The following ADAM32 variants were observed in gnomAD, a reference collection of about 807,000 sequenced individuals.
ADAM32 encodes the protein ADAM metallopeptidase domain 32.
In ADAM32, 89 loss-of-function variants were observed where a neutral mutation model predicts 114.9. The ratio of observed to expected loss-of-function variants is 0.77; its 90% confidence interval spans 0.65 to 0.92. ADAM32 has a LOEUF of 0.92. ADAM32 is among the 40% of genes least tolerant of loss of function. The pLI is 0.00. For synonymous variants in ADAM32, 285 were observed against 307.5 expected (o/e 0.93, Z 0.77); for missense variants, 870 against 932.8 (o/e 0.93, Z 0.88).
chr8:39,116,673 C>T (rs755473271), intron 1 of ADAM32, among the ~76,000 whole-genome samples: 1 of 152,104 alleles, frequency 6.6e-6, no homozygotes, highest in African/African-American at 2.4e-5. Context: ...AGAATCATAT[C>T]GTCTGTGAAG....
At chr8:39,193,346 A>G (rs1237677339) in intron 11 of ADAM32, among the ~76,000 whole-genome samples, 2 of 152,222 alleles carry the variant, frequency 1.3e-5, no homozygotes, top group Non-Finnish European at 2.9e-5. Flanking sequence ...TGTCAGCTCT[A>G]TCAGGTTGGT....
At chr8:39,180,783 G>T (rs535962801) in intron 10 of ADAM32, among the ~76,000 whole-genome samples, 47 of 151,992 alleles carry the variant, frequency 3.1e-4, no homozygotes, top group African/African-American at 9.4e-4. Flanking sequence ...GAACCTTTAT[G>T]TCTAGCTCAG....
chr8:39,112,575 A>G (rs1840209395), intron 1 of ADAM32, among the ~76,000 whole-genome samples: 1 of 152,262 alleles, frequency 6.6e-6, no homozygotes, highest in African/African-American at 2.4e-5. Flanking sequence ...GAAGTCTTGT[A>G]ATCCACACTG....
intron 14 of ADAM32, among the ~76,000 whole-genome samples, chr8:39,229,855 A>G (rs953767001): frequency 2.0e-5 from 3 of 152,212 alleles, no homozygotes; most frequent in Non-Finnish European, 4.4e-5. Context: ...CTTAACAGAT[A>G]TATACAGAAC....
At chr8:39,273,615 A>G (rs1812883672) in intron 20 of ADAM32, among the ~76,000 whole-genome samples, 1 of 152,258 alleles carries the variant, frequency 6.6e-6, no homozygotes, top group Non-Finnish European at 1.5e-5. Flanking sequence ...TGTATTTTGT[A>G]CTGTACATAA....
At chr8:39,187,271 C>T (rs1369669932) in intron 11 of ADAM32, among the ~76,000 whole-genome samples, 1 of 144,304 alleles carries the variant, frequency 6.9e-6, no homozygotes. Flanking sequence ...TATGAAAGCA[C>T]TTAGTATGGA....
chr8:39,230,273 T>C lies in ADAM32; in HGVS notation c.1526-1754T>C, dbSNP rs532795284. On this transcript the variant is annotated intron_variant, in intron 14 of 24. Transcript: ENST00000379907. ...CACATTTGCAAAGTGCTGCCCTTTT[T>C]ATTAGTATTTTCATTTCACTTTTGA... 6.6e-5 allele frequency among the ~76,000 whole-genome samples: 10 copies of C among 152,324 alleles called. No individual in the cohort carries two copies. In the South Asian group the frequency reaches 2.1e-3, roughly 32 times the overall value.
At position 39,118,105 on chromosome 8, in the gene ADAM32, A is replaced by G; in HGVS notation, c.78A>G (p.Leu26=). The G allele has an allele frequency of 2.7e-6, 4 of 1,492,538 alleles. No individual in the cohort carries two copies. The highest frequency in any genetic ancestry group is 2.7e-6 in the Non-Finnish European group (3 of 1,119,254). The allele number at this position is 1,492,538 out of a possible 1,614,324, so 92.5% of individuals were successfully genotyped here. A position where few individuals can be genotyped will look rare whatever the true frequency, so the allele number is the denominator to read the frequency against. The part of the protein sequence containing the change: ...ASRPGFQNSL[L]QIVIPEKIQT... The stretch of plus-strand genomic sequence containing the variant: ...CTTCAGGTTTTCAAAATTCACTTCT[A>G]CAGATCGTAATTCCAGAGAAAATCC... Residue 26 remains leucine, a synonymous_variant, in exon 2 of 25, where the codon CTA becomes CTG. Coordinates refer to ENST00000379907, the MANE Select transcript of ADAM32 (RefSeq NM_145004.7).
chr8:39,194,740 C>A (rs1806844257), intron 11 of ADAM32, among the ~76,000 whole-genome samples: 1 of 152,134 alleles, frequency 6.6e-6, no homozygotes, highest in African/African-American at 2.4e-5. Flanking sequence ...CAGACTGGCC[C>A]CATCTCATGG....
At chr8:39,197,576 A>G (rs574517851) in intron 11 of ADAM32, among the ~76,000 whole-genome samples, 17 of 152,186 alleles carry the variant, frequency 1.1e-4, no homozygotes, top group Admixed American at 2.6e-4. Flanking sequence ...CATTGACCCA[A>G]TGGTTATTCA....
At chr8:39,116,548 G>A (rs1202386897) in intron 1 of ADAM32, among the ~76,000 whole-genome samples, 1 of 152,034 alleles carries the variant, frequency 6.6e-6, no homozygotes, top group East Asian at 1.9e-4. Context: ...GGCTGTTGCT[G>A]GTGTATAGAA....
At chr8:39,139,574 G>C (rs1251587652) in intron 3 of ADAM32, among the ~76,000 whole-genome samples, 1 of 152,154 alleles carries the variant, frequency 6.6e-6, no homozygotes, top group Non-Finnish European at 1.5e-5. Flanking sequence ...TTTGGTTACT[G>C]TAGCCTTGTA....
At chr8:39,231,099 T>C (rs1012564768) in intron 14 of ADAM32, among the ~76,000 whole-genome samples, 2 of 152,146 alleles carry the variant, frequency 1.3e-5, no homozygotes, top group African/African-American at 4.8e-5. Context: ...GGTCAAGGAA[T>C]TTTGAAGATG....
chr8:39,138,259 G>T (rs1802925670), intron 3 of ADAM32, among the ~76,000 whole-genome samples: 1 of 152,024 alleles, frequency 6.6e-6, no homozygotes. Context: ...GTGCCATGTT[G>T]GTTTGCTGCA....
intron 11 of ADAM32, among the ~76,000 whole-genome samples, chr8:39,188,903 C>G (rs1213823371): frequency 2.0e-5 from 3 of 152,126 alleles, no homozygotes; most frequent in African/African-American, 7.2e-5. Flanking sequence ...CAGTACATCT[C>G]ACACATTATG....
At chr8:39,196,428 G>C (rs1336015710) in intron 11 of ADAM32, among the ~76,000 whole-genome samples, 1 of 152,062 alleles carries the variant, frequency 6.6e-6, no homozygotes, top group Non-Finnish European at 1.5e-5. Flanking sequence ...TTGGGAGAAA[G>C]GCTTTAAGCT....
chr8:39,121,261 G>T (rs1032859328), intron 2 of ADAM32, among the ~76,000 whole-genome samples: 26 of 152,182 alleles, frequency 1.7e-4, no homozygotes, highest in Non-Finnish European at 1.0e-4. Context: ...AAAGGGAACA[G>T]AGAAAATTGG....
intron 3 of ADAM32, among the ~76,000 whole-genome samples, chr8:39,140,577 G>A (rs1301583960): frequency 6.6e-5 from 10 of 152,194 alleles, no homozygotes; most frequent in Middle Eastern, 3.4e-3. Flanking sequence ...GAGGATTTTC[G>A]CATCGATGTT....
chr8:39,201,346 C>T lies in ADAM32; in HGVS notation c.1053-9798C>T, dbSNP rs111382543. Among the ~76,000 whole-genome samples, 981 of 152,172 alleles carry T rather than the reference C, an allele frequency of 6.4e-3. 6 individuals are homozygous for T. The highest frequency in any genetic ancestry group is 0.022 in the African/African-American group (914 of 41,512). Reference sequence around the variant, plus strand: ...CCTTGAAGAGGATGTAGTTCACATCCCCTGTAAGTTGGATTCCTAGGCATT... The same window carrying T: ...CCTTGAAGAGGATGTAGTTCACATCTCCTGTAAGTTGGATTCCTAGGCATT... On this transcript the variant is annotated intron_variant, in intron 11 of 24. Transcript: ENST00000379907.
Sources: allele counts gnomAD v4.1 joint callset (sites outside exome capture counted in the v4.1 genomes callset), GRCh38; gene constraint gnomAD v4.1.1; transcripts MANE v1.5; gene names NCBI Gene and HGNC (gene_info 2026-07-23, HGNC 2026-07-21).